The following TLE5 variants were observed in gnomAD, a reference collection of about 807,000 sequenced individuals.
TLE5 encodes TLE family member 5, transcriptional modulator, also known as TLE family member 5.
Under a neutral mutation model 25.8 loss-of-function variants are expected in TLE5, and 7 were observed. The ratio of observed to expected loss-of-function variants is 0.27; its 90% CI spans 0.15 to 0.51. The LOEUF (loss-of-function observed/expected upper bound fraction) is 0.51. Ranked by LOEUF, TLE5 falls within the 20% of genes least tolerant of loss-of-function variation. TLE5 has a pLI of 0.97. For missense variants in TLE5, 149 were observed against 250.7 expected, an observed-to-expected ratio of 0.59 and a Z score of 2.74; for synonymous variants, 132 against 110.5, an observed-to-expected ratio of 1.20 and a Z score of -1.22.
chr19:3,055,741 T>C lies in TLE5; in HGVS notation c.235-15A>G. 6.2e-7 allele frequency: 1 copy of C among 1,601,058 alleles called. No individual in the cohort carries two copies. Among genetic ancestry groups the C allele is most frequent in the Non-Finnish European group, 8.5e-7 (1 of 1,173,574 alleles). On this transcript the variant is annotated splice_polypyrimidine_tract_variant and intron_variant, in intron 4 of 6. Coordinates refer to ENST00000327141, the MANE Select transcript of TLE5 (RefSeq NM_001130.6). ...ACGATCTCAGCCTGGAACACACAGA[T>C]GAAGCCGGCTTCAGTCCTGGGCGGG...
intron 3 of TLE5, among the ~76,000 whole-genome samples, chr19:3,057,241 G>A (rs775940671): frequency 3.3e-5 from 5 of 152,182 alleles, no homozygotes; most frequent in African/African-American, 4.8e-5. Flanking sequence ...TCAGCCCCCC[G>A]AAATGGGTAG....
At position 3,053,236 on chromosome 19, in the gene TLE5, A is replaced by G. The variant is rs1599266052; in HGVS notation, c.*583T>C. ...ACCCTCACCCTGCTCCTCCCAGCTC[A>G]GCTAAGCTCGTCCCTCGTGCCCCCC... On this transcript the variant is annotated 3_prime_UTR_variant, in exon 7 of 7. Transcript: ENST00000327141. 6.5e-6 allele frequency: 1 copy of G among 153,048 alleles called. No individual in the cohort carries two copies. Among genetic ancestry groups the G allele is most frequent in the East Asian group, 1.9e-4 (1 of 5,186 alleles). 9.5% of individuals were successfully genotyped at this position (153,048 alleles called of 1,614,324 possible).
intron 2 of TLE5, among the ~76,000 whole-genome samples, chr19:3,059,389 G>A (rs2090245984): frequency 6.6e-6 from 1 of 152,134 alleles, no homozygotes; most frequent in South Asian, 2.1e-4. Context: ...GGGTGTGGTG[G>A]TGCACGCCTG....
At chr19:3,061,840 A>G (rs1399624490) in intron 1 of TLE5, among the ~76,000 whole-genome samples, 16 of 132,480 alleles carry the variant, frequency 1.2e-4, no homozygotes, top group Admixed American at 1.2e-3. Flanking sequence ...GGAGCGCCCC[A>G]GGCCCGAGGC....
chr19:3,061,891 G>T (rs974595458), intron 1 of TLE5, among the ~76,000 whole-genome samples: 10 of 145,646 alleles, frequency 6.9e-5, no homozygotes, highest in African/African-American at 2.3e-4. Context: ...CGGGTTGGGG[G>T]GGGGGGGCGC....
rs1441948189 is a variant in TLE5, at chr19:3,054,135, C to T, written c.357G>A (p.Leu119=). 1 of 1,427,506 alleles carries T rather than the reference C, an allele frequency of 7.0e-7. No homozygotes were observed. Among genetic ancestry groups the T allele is most frequent in the Non-Finnish European group, 9.3e-7 (1 of 1,069,620 alleles). The allele number at this position is 1,427,506 out of a possible 1,614,324, so 88.4% of individuals were successfully genotyped here. A position where few individuals can be genotyped will look rare whatever the true frequency, so the allele number is the denominator to read the frequency against. The change falls in exon 6 of 7, where the codon CTG becomes CTA. Residue 119 remains leucine (L), a synonymous_variant. Transcript: ENST00000327141. ...ERAKQVTAPE[L]NSIIRQQLQA... ...CCATACATACTCGGATGATAGAGTT[C>T]AGCTCGGGAGCGGTGACCTGCTTGG...
chr19:3,054,575 T>C, intron 5 of TLE5: 1 of 275,874 alleles, frequency 3.6e-6, no homozygotes, highest in Non-Finnish European at 7.1e-6. Flanking sequence ...CCTGCCCAAC[T>C]GTACAGGGAC....
rs1568264813 is a variant in TLE5, at chr19:3,057,754, CAG to C, written c.126-14_126-13del. ...ATTCGAGCTTGAGGCTGAGGAGGCA[CAG>C]GGGGGAGATGGGGTGGTTAGTGGCG... is the stretch of plus-strand genomic sequence containing the variant. On this transcript the variant is annotated splice_polypyrimidine_tract_variant and intron_variant, in intron 2 of 6. Transcript: ENST00000327141. The C allele has an allele frequency of 4.3e-6, 7 of 1,613,272 alleles. No individual in the cohort carries two copies. The Admixed American group carries it at 1.2e-4, about 27-fold the overall frequency.
At chr19:3,054,086 T>TCCGGGGGGGGGGCCCCC in intron 6 of TLE5, 34 bp downstream of exon 6, 3 of 1,512,800 alleles carry the variant, frequency 2.0e-6, no homozygotes, top group South Asian at 1.2e-5. Flanking sequence ...GGCCCACCTG[T>TCCGGGGGGGGGGCCCCC]CCCCCGCCCA....
Position 3,053,451 on chromosome 19 carries a change from C to T in TLE5, c.*368G>A. 1 of 291,626 alleles carries T rather than the reference C, an allele frequency of 3.4e-6. No individual in the cohort carries two copies. The highest frequency in any genetic ancestry group is 6.5e-6 in the Non-Finnish European group (1 of 153,504). The allele number at this position is 291,626 out of a possible 1,614,324, so 18.1% of individuals were successfully genotyped here. Reference sequence around the variant, plus strand: ...GTACCAGGGTGAGAGGGCTGTGGCCCAGGCAGACTGTCGGTTACACATGTT... The same window carrying T: ...GTACCAGGGTGAGAGGGCTGTGGCCTAGGCAGACTGTCGGTTACACATGTT... On this transcript the variant is annotated 3_prime_UTR_variant, in exon 7 of 7. Coordinates refer to ENST00000327141, the MANE Select transcript of TLE5 (RefSeq NM_001130.6).
At position 3,053,463 on chromosome 19, in the gene TLE5, C is replaced by T. The variant is rs1312901928; in HGVS notation, c.*356G>A. 11 of 321,220 alleles carry T rather than the reference C, an allele frequency of 3.4e-5. No individual in the cohort carries two copies. The highest frequency in any genetic ancestry group is 8.5e-5 in the African/African-American group (4 of 46,988). The allele number at this position is 321,220 out of a possible 1,614,324, so 19.9% of individuals were successfully genotyped here. A position where few individuals can be genotyped will look rare whatever the true frequency, so the allele number is the denominator to read the frequency against. On this transcript the variant is annotated 3_prime_UTR_variant, in exon 7 of 7. Transcript: ENST00000327141. ...GAGGGCTGTGGCCCAGGCAGACTGT[C>T]GGTTACACATGTTCAAAACGGGGGA... is the stretch of plus-strand genomic sequence containing the variant.
At chr19:3,062,599 G>C, upstream of TLE5, 1 of 1,027,618 alleles carries the variant, frequency 9.7e-7, no homozygotes, top group Non-Finnish European at 1.2e-6. Context: ...GAGGCCTGCG[G>C]ATCCCCACGC....
chr19:3,055,237 G>T, intron 5 of TLE5: 1 of 157,020 alleles, frequency 6.4e-6, no homozygotes, highest in Non-Finnish European at 1.4e-5. Flanking sequence ...CTGTGTCCAT[G>T]TGTGACCACC....
rs1411824575 is a variant in TLE5, at chr19:3,059,108, AT to A, written c.126-1367del. ...TCTTAGGATACCCCAGGAACCTGGC[AT>A]TTTGCTCCACCGGAGAAGAGTGTGC... On this transcript the variant is annotated intron_variant, in intron 2 of 6. Coordinates refer to ENST00000327141, the MANE Select transcript of TLE5 (RefSeq NM_001130.6). Among the ~76,000 whole-genome samples the A allele has an allele frequency of 2.0e-5, 3 of 152,160 alleles. No homozygotes were observed. In the East Asian group the frequency reaches 5.8e-4, roughly 29 times the overall value.
intron 2 of TLE5, among the ~76,000 whole-genome samples, chr19:3,058,023 T>C (rs307717): frequency 0.75 from 113,168 of 151,818 alleles, 42,646 homozygotes; most frequent in African/African-American, 0.81. Context: ...CCGTGCCTGG[T>C]CAATGAAGCC....
intron 6 of TLE5, 34 bp downstream of exon 6, chr19:3,054,086 T>TCGGGGGGGGGGGGGCCCCCCC: frequency 3.3e-6 from 5 of 1,512,766 alleles, no homozygotes; most frequent in South Asian, 1.2e-5. Flanking sequence ...GGCCCACCTG[T>TCGGGGGGGGGGGGGCCCCCCC]CCCCCGCCCA....
chr19:3,055,816 C>T (rs1174941682), intron 4 of TLE5, 90 bp from the exon 5 acceptor site: 14 of 1,397,052 alleles, frequency 1.0e-5, no homozygotes, highest in East Asian at 2.4e-5. Flanking sequence ...CCGGCCCAGC[C>T]CTGCCACTTG....
At chr19:3,062,508 G>T, upstream of TLE5, 1 of 636,510 alleles carries the variant, frequency 1.6e-6, no homozygotes, top group Non-Finnish European at 1.9e-6. Flanking sequence ...CCGCGGCTCG[G>T]CTGCTGCGGA....
upstream of TLE5, chr19:3,062,911 C>T: frequency 8.8e-7 from 1 of 1,131,190 alleles, no homozygotes; most frequent in Non-Finnish European, 1.3e-6. Context: ...CTGAGGGAAG[C>T]CATTCTTGTG....
Sources: gnomAD v4.1 joint callset for allele counts (sites outside exome capture counted in the v4.1 genomes callset) on GRCh38, gnomAD v4.1.1 for gene constraint, MANE v1.5 for transcripts, NCBI Gene and HGNC (gene_info 2026-07-23, HGNC 2026-07-21) for gene names.